GRID2: variants seen among roughly 807,000 people sequenced by gnomAD.
GRID2 encodes the protein glutamate receptor ionotropic, delta-2.
Under a neutral mutation model 114.8 loss-of-function variants are expected in GRID2, and 33 were observed. The observed-to-expected ratio is 0.29, with a 90% CI of 0.22 to 0.38. GRID2 has a LOEUF of 0.38. Among genes scored for constraint, GRID2 ranks in the 10% least tolerant of loss-of-function variants. GRID2 has a pLI of 1.00. For missense variants in GRID2, 1,184 were observed against 1,257.7 expected, an observed-to-expected ratio of 0.94 and a Z score of 0.89; for synonymous variants, 505 against 449.9, an observed-to-expected ratio of 1.12 and a Z score of -1.55.
intron 2 of GRID2, among the ~76,000 whole-genome samples, chr4:92,818,183 C>T (rs1411223313): frequency 6.6e-6 from 1 of 151,998 alleles, no homozygotes; most frequent in Non-Finnish European, 1.5e-5. Context: ...TCTGTTATTC[C>T]CACTTAATTA....
At chr4:92,940,440 T>C (rs1051208635) in intron 2 of GRID2, among the ~76,000 whole-genome samples, 32 of 151,448 alleles carry the variant, frequency 2.1e-4, no homozygotes, top group East Asian at 7.9e-4. Flanking sequence ...TTTGCTGAAG[T>C]TGCTTATCAG....
At chr4:92,513,508 A>G (rs1449879364) in intron 1 of GRID2, among the ~76,000 whole-genome samples, 2 of 151,918 alleles carry the variant, frequency 1.3e-5, no homozygotes, top group Non-Finnish European at 2.9e-5. Flanking sequence ...CTCTATTTCA[A>G]TGGTGAATTT....
intron 14 of GRID2, among the ~76,000 whole-genome samples, chr4:93,722,240 G>C (rs531052800): frequency 1.6e-4 from 25 of 152,046 alleles, no homozygotes; most frequent in Non-Finnish European, 2.9e-4. Flanking sequence ...ATTATACTAA[G>C]TACTAGTTAT....
intron 2 of GRID2, among the ~76,000 whole-genome samples, chr4:92,756,594 C>G (rs901914483): frequency 6.6e-6 from 1 of 152,130 alleles, no homozygotes; most frequent in African/African-American, 2.4e-5. Context: ...TTCTCTGCAT[C>G]TTTGCCAGTA....
intron 2 of GRID2, among the ~76,000 whole-genome samples, chr4:92,989,293 A>T (rs1303152264): frequency 6.9e-6 from 1 of 145,302 alleles, no homozygotes; most frequent in Non-Finnish European, 1.5e-5. Context: ...AAAAAAAAAA[A>T]AAAAAAAAAT....
chr4:93,031,168 C>T (rs898993593), intron 2 of GRID2, among the ~76,000 whole-genome samples: 3 of 151,574 alleles, frequency 2.0e-5, no homozygotes, highest in Non-Finnish European at 4.4e-5. Context: ...GCCTCTGTCT[C>T]CCGAGTAGCT....
rs142240395 is a variant in GRID2 at position 92,359,316 on chromosome 4, A to G, written c.88+54572A>G. Among the ~76,000 whole-genome samples, 557 of 152,114 alleles carry G rather than the reference A, an allele frequency of 3.7e-3. 4 individuals carry two copies. Among genetic ancestry groups the G allele is most frequent in the African/African-American group, 0.012 (515 of 41,530 alleles). On this transcript the variant is annotated intron_variant, in intron 1 of 15. Coordinates refer to ENST00000282020, the MANE Select transcript of GRID2 (RefSeq NM_001510.4). ...TCAAAAAGATTGAAAAAATAACTTT[A>G]TAAAGTAATAGCATGAAACTAGTTT...
intron 5 of GRID2, among the ~76,000 whole-genome samples, chr4:93,211,338 T>A (rs922306945): frequency 2.6e-5 from 4 of 152,082 alleles, no homozygotes; most frequent in South Asian, 2.1e-4. Flanking sequence ...ATAATAAAAA[T>A]TTATGTTTTA....
intron 2 of GRID2, among the ~76,000 whole-genome samples, chr4:92,616,196 A>G (rs997257075): frequency 6.6e-6 from 1 of 151,584 alleles, no homozygotes; most frequent in Non-Finnish European, 1.5e-5. Flanking sequence ...GTATTTTAAA[A>G]TGTGGTAATA....
chr4:92,835,972 C>A (rs1742424600), intron 2 of GRID2, among the ~76,000 whole-genome samples: 1 of 151,912 alleles, frequency 6.6e-6, no homozygotes, highest in African/African-American at 2.4e-5. Flanking sequence ...TGTCAGAGAC[C>A]CTTTATATTC....
intron 2 of GRID2, among the ~76,000 whole-genome samples, chr4:92,616,038 A>C (rs1319498069): frequency 6.6e-6 from 1 of 151,692 alleles, no homozygotes; most frequent in African/African-American, 2.4e-5. Flanking sequence ...TATGTACACT[A>C]TCTTCATATT....
At chr4:92,790,037 T>G (rs1173055951) in intron 2 of GRID2, among the ~76,000 whole-genome samples, 4 of 151,896 alleles carry the variant, frequency 2.6e-5, no homozygotes, top group Admixed American at 2.0e-4. Flanking sequence ...TCTCCAGATT[T>G]TCTATGTTAT....
chr4:92,820,971 T>C (rs1167336800), intron 2 of GRID2, among the ~76,000 whole-genome samples: 1 of 152,102 alleles, frequency 6.6e-6, no homozygotes, highest in Non-Finnish European at 1.5e-5. Context: ...CTAATATATA[T>C]ACTTAAGATA....
chr4:93,022,138 A>T (rs773222274), intron 2 of GRID2, among the ~76,000 whole-genome samples: 14 of 151,858 alleles, frequency 9.2e-5, no homozygotes, highest in Non-Finnish European at 1.8e-4. Context: ...TCATAAATAC[A>T]TGTTTGTGTA....
intron 2 of GRID2, among the ~76,000 whole-genome samples, chr4:92,806,571 G>A (rs1360487626): frequency 2.0e-5 from 3 of 151,334 alleles, no homozygotes; most frequent in Admixed American, 6.6e-5. Flanking sequence ...TGAAATTTAT[G>A]TTCTGTGCTA....
At chr4:93,798,191 A>G (rs58264961) in intron 1 of GRID2, among the ~76,000 whole-genome samples, 6,517 of 152,064 alleles carry the variant, frequency 0.043, 434 homozygotes, top group African/African-American at 0.15. Flanking sequence ...GAGGAGCAGG[A>G]GTCAATGGGT....
intron 8 of GRID2, among the ~76,000 whole-genome samples, chr4:93,390,236 A>G (rs1008070233): frequency 6.6e-6 from 1 of 152,224 alleles, no homozygotes; most frequent in Non-Finnish European, 1.5e-5. Flanking sequence ...AGAATTTTTT[A>G]AAGCTTTCCA....
At chr4:92,582,506 G>A (rs544805906) in intron 1 of GRID2, among the ~76,000 whole-genome samples, 3 of 151,790 alleles carry the variant, frequency 2.0e-5, no homozygotes, top group Non-Finnish European at 2.9e-5. Context: ...ATCAACTTCT[G>A]ATATAGTATA....
At chr4:93,537,108 A>G (rs1180377829) in intron 13 of GRID2, among the ~76,000 whole-genome samples, 1 of 151,670 alleles carries the variant, frequency 6.6e-6, no homozygotes, top group Non-Finnish European at 1.5e-5. Flanking sequence ...ATTATGTATA[A>G]TTATTTTCTG....
Sources: allele counts gnomAD v4.1 joint callset (sites outside exome capture counted in the v4.1 genomes callset), GRCh38; gene constraint gnomAD v4.1.1; transcripts MANE v1.5; gene names NCBI Gene and HGNC (gene_info 2026-07-23, HGNC 2026-07-21).